The following WDR72 variants were observed in gnomAD, a reference collection of about 807,000 sequenced individuals.
WDR72 encodes WD repeat-containing protein 72.
In WDR72, 120 loss-of-function variants were observed where a neutral mutation model predicts 124.2. The ratio of observed to expected loss-of-function variants is 0.97; its 90% CI spans 0.83 to 1.12. The LOEUF (loss-of-function observed/expected upper bound fraction) is 1.12, where lower values mean the gene tolerates loss of function less well. WDR72 is among the 50% of genes most tolerant of loss of function. The pLI is 0.00. For synonymous variants in WDR72, 452 were observed against 441.7 expected (o/e 1.02, Z -0.29); for missense variants, 1,387 against 1,278.8 (o/e 1.08, Z -1.29).
At chr15:53,539,809 A>G (rs1892974612) in intron 18 of WDR72, among the ~76,000 whole-genome samples, 1 of 152,182 alleles carries the variant, frequency 6.6e-6, no homozygotes, top group Non-Finnish European at 1.5e-5. Flanking sequence ...TTATCAATAA[A>G]TGTTAATGGA....
rs202145635 is a variant in WDR72, at chr15:53,710,836, G to T, written c.954+21C>A. 435 of 1,561,798 alleles carry T rather than the reference G, an allele frequency of 2.8e-4. 3 individuals carry two copies. The African/African-American group carries it at 5.4e-3, about 19-fold the overall frequency. ...AACTGAGTGAAACAGCTTTGAGGCAGTCACTCTTTTCTTGCATTACCTTAT... is the reference window on the plus strand; with the variant it reads ...AACTGAGTGAAACAGCTTTGAGGCATTCACTCTTTTCTTGCATTACCTTAT... On this transcript the variant is annotated intron_variant, in intron 9 of 19. Coordinates refer to ENST00000360509, the MANE Select transcript of WDR72 (RefSeq NM_182758.4).
At chr15:53,713,411 GTATTTTATTT>G (rs11272007) in intron 6 of WDR72, among the ~76,000 whole-genome samples, 42 of 88,694 alleles carry the variant, frequency 4.7e-4, no homozygotes, top group African/African-American at 1.4e-3. Flanking sequence ...TTATTTTGTT[GTATTTTATTT>G]TATTTTATTT....
chr15:53,597,315 T>C (rs1435417383), intron 17 of WDR72, 41 bp from the exon 18 acceptor site: 3 of 1,597,128 alleles, frequency 1.9e-6, no homozygotes, highest in Admixed American at 1.7e-5. Flanking sequence ...TTAGTATTAT[T>C]ACAAATGCTT....
intron 13 of WDR72, among the ~76,000 whole-genome samples, chr15:53,670,418 T>C (rs1260927383): frequency 1.3e-5 from 2 of 152,180 alleles, no homozygotes; most frequent in South Asian, 2.1e-4. Context: ...TACACACTGC[T>C]TTCCCTGTCA....
chr15:53,529,166 T>TA (rs1566943841), intron 18 of WDR72, among the ~76,000 whole-genome samples: 169 of 48,742 alleles, frequency 3.5e-3, no homozygotes, highest in East Asian at 8.0e-3. Context: ...ATATATATAT[T>TA]TTTTTTTTTT....
At chr15:53,593,478 C>G (rs2012610263) in intron 18 of WDR72, among the ~76,000 whole-genome samples, 1 of 151,936 alleles carries the variant, frequency 6.6e-6, no homozygotes, top group Non-Finnish European at 1.5e-5. Context: ...AAGTATGTTT[C>G]AAAGAGTAAG....
At chr15:53,646,411 A>C (rs1372506051) in intron 14 of WDR72, among the ~76,000 whole-genome samples, 3 of 152,122 alleles carry the variant, frequency 2.0e-5, no homozygotes, top group Non-Finnish European at 4.4e-5. Context: ...AGTGAGAAAT[A>C]ATACAAATAA....
At chr15:53,676,337 C>G (rs690382) in intron 13 of WDR72, among the ~76,000 whole-genome samples, 150,950 of 152,380 alleles carry the variant, frequency 0.99, 74,784 homozygotes, top group Middle Eastern at 1. Context: ...ATGTAATTAA[C>G]GTTTCTACTC....
intron 18 of WDR72, among the ~76,000 whole-genome samples, chr15:53,572,797 T>C (rs1894594982): frequency 1.3e-5 from 2 of 152,206 alleles, no homozygotes; most frequent in South Asian, 4.1e-4. Flanking sequence ...TGTGCTCCAG[T>C]TACTGCCCTC....
At chr15:53,609,334 T>A (rs752096434) in intron 17 of WDR72, among the ~76,000 whole-genome samples, 179 bp downstream of exon 17, 1 of 152,142 alleles carries the variant, frequency 6.6e-6, no homozygotes, top group Non-Finnish European at 1.5e-5. Context: ...GCTCCCCTAG[T>A]GAATGGTGTA....
At chr15:53,561,768 A>G (rs752667989) in intron 18 of WDR72, among the ~76,000 whole-genome samples, 5 of 151,838 alleles carry the variant, frequency 3.3e-5, no homozygotes, top group Non-Finnish European at 7.4e-5. Context: ...TAGAAAATAC[A>G]GATGCCAGCA....
chr15:53,699,993 T>C (rs905208759), intron 12 of WDR72, 48 bp from the exon 13 acceptor site: 3 of 1,609,816 alleles, frequency 1.9e-6, no homozygotes, highest in South Asian at 1.1e-5. Context: ...AAATGCTTTC[T>C]TTATGAGTAA....
chr15:53,632,185 C>T (rs113413285), intron 14 of WDR72, among the ~76,000 whole-genome samples: 1,689 of 152,200 alleles, frequency 0.011, 8 homozygotes, highest in Non-Finnish European at 0.018. Flanking sequence ...CCAGGGCCCA[C>T]TGTCCTGAGT....
At chr15:53,712,685 A>G in intron 7 of WDR72, 87 bp downstream of exon 7, 1 of 1,272,846 alleles carries the variant, frequency 7.9e-7, no homozygotes, top group Non-Finnish European at 1.1e-6. Flanking sequence ...AATTTGTATC[A>G]TATTTAAATC....
chr15:53,687,375 G>C (rs1400224297), intron 13 of WDR72, among the ~76,000 whole-genome samples: 2 of 149,734 alleles, frequency 1.3e-5, no homozygotes, highest in Admixed American at 6.6e-5. Flanking sequence ...AATGATAAAG[G>C]GGATATCACC....
At chr15:53,702,397 G>A (rs745933738) in intron 11 of WDR72, 43 bp from the exon 12 acceptor site, 6 of 1,499,358 alleles carry the variant, frequency 4.0e-6, no homozygotes, top group South Asian at 3.5e-5. Context: ...TGTTATTTTT[G>A]TTCAGAAAAT....
At chr15:53,570,762 C>T (rs1466593160) in intron 18 of WDR72, among the ~76,000 whole-genome samples, 2 of 151,904 alleles carry the variant, frequency 1.3e-5, no homozygotes, top group Non-Finnish European at 2.9e-5. Context: ...AACTGTTGTA[C>T]CAAAAAGACA....
At chr15:53,679,264 T>C (rs553988196) in intron 13 of WDR72, among the ~76,000 whole-genome samples, 2 of 152,342 alleles carry the variant, frequency 1.3e-5, no homozygotes, top group South Asian at 4.1e-4. Context: ...AATGTGAGCA[T>C]ACTTAATGCC....
At chr15:53,529,164 A>ATATATATATATATATTTTT (rs59003623) in intron 18 of WDR72, among the ~76,000 whole-genome samples, 1 of 78,170 alleles carries the variant, frequency 1.3e-5, no homozygotes, top group African/African-American at 5.0e-5. Flanking sequence ...ATATATATAT[A>ATATATATATATATATTTTT]TTTTTTTTTT....
Sources: allele counts gnomAD v4.1 joint callset (sites outside exome capture counted in the v4.1 genomes callset), GRCh38; gene constraint gnomAD v4.1.1; transcripts MANE v1.5; gene names NCBI Gene and HGNC (gene_info 2026-07-23, HGNC 2026-07-21).